MYO9B: variants seen among roughly 807,000 people sequenced by gnomAD.
The protein encoded by MYO9B is unconventional myosin-IXb.
A neutral mutation model predicts 229.5 loss-of-function variants in MYO9B; 71 were observed. The observed-to-expected ratio is 0.31, with a 90% CI of 0.26 to 0.38. The LOEUF is 0.38. Among genes scored for constraint, MYO9B ranks in the 10% least tolerant of loss-of-function variants. MYO9B has a pLI of 1.00. For synonymous variants in MYO9B, 1,185 were observed against 1,235.8 expected (o/e 0.96, Z 0.86); for missense variants, 2,255 against 2,920.5 (o/e 0.77, Z 5.25).
At position 17,206,731 on chromosome 19, in the gene MYO9B, C is replaced by T; in HGVS notation, c.5439C>T (p.His1813=). 2.5e-6 allele frequency: 4 copies of T among 1,591,686 alleles called. No individual in the cohort carries two copies. The highest frequency in any genetic ancestry group is 3.4e-6 in the Non-Finnish European group (4 of 1,169,952). ...CTGCCATCTATGCCGTCCTGGAGCA[C>T]CTTCCAGAAGCCAACCACAACTCCC... is the stretch of plus-strand genomic sequence containing the variant. ...QLAAIYAVLE[H]LPEANHNSLE... Residue 1813 remains histidine (H), a synonymous_variant, in exon 34 of 40, where the codon CAC becomes CAT. Coordinates refer to ENST00000682292, the MANE Select transcript of MYO9B (RefSeq NM_004145.4).
chr19:17,195,030 A>C lies in MYO9B; in HGVS notation c.3603A>C (p.Glu1201Asp), dbSNP rs751312190. ...LEDKKESRED[E>D]TLLVVETEAE... The stretch of plus-strand genomic sequence containing the variant: ...ACAAAAAGGAGAGCAGAGAAGATGA[A>C]ACCCTTCTAGTCGTAGAGACGGAGG... The change falls in exon 22 of 40, where the codon GAA (glutamate) becomes GAC (aspartate). Residue 1201 changes from glutamate to aspartate, a missense_variant. By Grantham distance (45) the Glu-to-Asp change is conservative. This residue lies in a region of MYO9B where 679 missense variants were observed against 770.2 expected (regional missense o/e 0.88). Transcript: ENST00000682292. This position sits in a 1 kb window ranked among gnomAD's most constrained non-coding sequence, Gnocchi z 4.5. The C allele has an allele frequency of 2.5e-6, 4 of 1,613,018 alleles. No individual in the cohort carries two copies. Among genetic ancestry groups the C allele is most frequent in the Non-Finnish European group, 2.5e-6 (3 of 1,179,880 alleles).
chr19:17,179,916 A>T (rs1451132205), intron 14 of MYO9B, among the ~76,000 whole-genome samples: 400 of 151,166 alleles, frequency 2.6e-3, no homozygotes, highest in African/African-American at 9.5e-3. Flanking sequence ...AAATAAAATA[A>T]AAATAAAAAT....
Position 17,193,003 on chromosome 19 carries a change from C to A in MYO9B, c.3069C>A (p.His1023Gln). 1 of 1,504,208 alleles carries A rather than the reference C, an allele frequency of 6.6e-7. No homozygotes were observed. Among genetic ancestry groups the A allele is most frequent in the Non-Finnish European group, 8.9e-7 (1 of 1,121,024 alleles). The allele number at this position is 1,504,208 out of a possible 1,614,324, so 93.2% of individuals were successfully genotyped here. ...ACTGGCAGCGGAAGCTCTACCGGCA[C>A]CAGAAACAGAGCATCATCCGCCTGC... Reference protein sequence around the residue: ...RGYWQRKLYRHQKQSIIRLQS... With the variant: ...RGYWQRKLYRQQKQSIIRLQS... The change falls in exon 21 of 40, where the codon CAC (histidine) becomes CAA (glutamine). Residue 1023 changes from histidine to glutamine, a missense_variant. Coordinates refer to ENST00000682292, the MANE Select transcript of MYO9B (RefSeq NM_004145.4). This position sits in a 1 kb window ranked among gnomAD's most constrained non-coding sequence, Gnocchi z 4.3.
At chr19:17,153,624 A>G (rs1333978662) in intron 4 of MYO9B, among the ~76,000 whole-genome samples, 1 of 150,940 alleles carries the variant, frequency 6.6e-6, no homozygotes, top group African/African-American at 2.4e-5. Context: ...TGAACCCAGG[A>G]GGTCGAGGCT....
At chr19:17,124,825 A>G (rs1224951463) in intron 2 of MYO9B, among the ~76,000 whole-genome samples, 1 of 152,030 alleles carries the variant, frequency 6.6e-6, no homozygotes, top group South Asian at 2.1e-4. Context: ...TCAGTGACAA[A>G]CACCCGTATG....
chr19:17,084,846 A>G (rs1320748495), intron 1 of MYO9B, among the ~76,000 whole-genome samples: 1 of 152,088 alleles, frequency 6.6e-6, no homozygotes, highest in East Asian at 1.9e-4. Context: ...TGGAGGTTGC[A>G]GTGAGCCAAG....
chr19:17,119,489 G>A (rs1055620649), intron 2 of MYO9B, among the ~76,000 whole-genome samples: 2 of 152,110 alleles, frequency 1.3e-5, no homozygotes, highest in East Asian at 1.9e-4. Flanking sequence ...GGGAGCCTGG[G>A]CGGTCCTCCT....
intron 16 of MYO9B, chr19:17,184,414 G>C (rs887778829): frequency 1.7e-5 from 3 of 174,318 alleles, no homozygotes; most frequent in African/African-American, 7.1e-5. Flanking sequence ...GCAGATGGGA[G>C]AGGGCTAATT....
In MYO9B at chr19:17,206,976, C is replaced by T. The variant is rs1248502290; in HGVS notation, c.5493-137C>T. On this transcript the variant is annotated intron_variant, in intron 34 of 39. Transcript: ENST00000682292. ...TCCCTTGAGGTACCTCTCTGTGCTGCGGAAGCATCTCCCAGTGCTGGGCTG... is the reference window on the plus strand; with the variant it reads ...TCCCTTGAGGTACCTCTCTGTGCTGTGGAAGCATCTCCCAGTGCTGGGCTG... 1.7e-5 allele frequency: 23 copies of T among 1,355,218 alleles called. 1 individual carries two copies. Among genetic ancestry groups the T allele is most frequent in the South Asian group, 1.6e-4 (13 of 79,700 alleles). 83.9% of individuals were successfully genotyped at this position (1,355,218 alleles called of 1,614,324 possible). A position where few individuals can be genotyped will look rare whatever the true frequency, so the allele number is the denominator to read the frequency against.
At chr19:17,083,544 G>A (rs1294801875) in intron 1 of MYO9B, among the ~76,000 whole-genome samples, 1 of 152,100 alleles carries the variant, frequency 6.6e-6, no homozygotes, top group Non-Finnish European at 1.5e-5. Flanking sequence ...GGAGGGCAGA[G>A]TCAGCTCTGG....
intron 2 of MYO9B, among the ~76,000 whole-genome samples, chr19:17,110,174 C>G (rs993939771): frequency 7.2e-5 from 11 of 152,202 alleles, no homozygotes; most frequent in African/African-American, 1.2e-4. Flanking sequence ...GGATGCACCC[C>G]CTGACCCCCG....
chr19:17,181,191 C>A (rs1239431860), intron 15 of MYO9B, among the ~76,000 whole-genome samples, 151 bp downstream of exon 15: 3 of 152,228 alleles, frequency 2.0e-5, no homozygotes, highest in African/African-American at 7.2e-5. Context: ...TCACTAAATG[C>A]CAATCAATAA....
intron 2 of MYO9B, among the ~76,000 whole-genome samples, chr19:17,134,925 G>A (rs905189323): frequency 4.0e-5 from 6 of 151,718 alleles, no homozygotes; most frequent in Admixed American, 3.3e-4. Flanking sequence ...CACCACACCC[G>A]GCTAATTTTT....
intron 2 of MYO9B, among the ~76,000 whole-genome samples, chr19:17,129,362 A>C (rs112749647): frequency 6.6e-6 from 1 of 152,180 alleles, no homozygotes; most frequent in South Asian, 2.1e-4. Flanking sequence ...AGATCGTGCC[A>C]CTGCACTCCA....
chr19:17,167,014 G>C (rs1007058280), intron 10 of MYO9B, among the ~76,000 whole-genome samples: 9 of 151,946 alleles, frequency 5.9e-5, no homozygotes, highest in African/African-American at 2.2e-4. Context: ...CCTACAGTGT[G>C]GGGATCCCTT....
At chr19:17,196,838 GGACA>G (rs1457834996) in intron 22 of MYO9B, among the ~76,000 whole-genome samples, 2 of 152,080 alleles carry the variant, frequency 1.3e-5, no homozygotes, top group East Asian at 1.9e-4. Context: ...ATGGATGGAT[GGACA>G]GACAGAAGGA....
intron 38 of MYO9B, among the ~76,000 whole-genome samples, chr19:17,211,205 T>G (rs1395066833): frequency 1.3e-5 from 2 of 152,024 alleles, no homozygotes; most frequent in Non-Finnish European, 2.9e-5. Context: ...GGTCTTGAAC[T>G]CCTGACCTCA....
In MYO9B at chr19:17,195,726, C is replaced by T. The variant is rs1262232057; in HGVS notation, c.4046+253C>T. Among the ~76,000 whole-genome samples the T allele has an allele frequency of 6.6e-6, 1 of 152,158 alleles. No individual in the cohort carries two copies. The highest frequency in any genetic ancestry group is 1.9e-4 in the East Asian group (1 of 5,170). On this transcript the variant is annotated intron_variant, in intron 22 of 39. Transcript: ENST00000682292. The surrounding 1 kb of genome is among the most constrained non-coding windows in gnomAD (Gnocchi z 4.5). Reference sequence around the variant, plus strand: ...TGTGCTCACACAGAAAGGCCCCGGCCTTGAGAGAGGTGGCTCCTCAGGTCA... The same window carrying T: ...TGTGCTCACACAGAAAGGCCCCGGCTTTGAGAGAGGTGGCTCCTCAGGTCA...
intron 20 of MYO9B, among the ~76,000 whole-genome samples, chr19:17,191,791 CATA>C (rs772324806): frequency 2.0e-5 from 3 of 151,914 alleles, no homozygotes; most frequent in Non-Finnish European, 2.9e-5. Context: ...GCCTGGGAAA[CATA>C]GCGAGACCCC....
Sources: allele counts gnomAD v4.1 joint callset (sites outside exome capture counted in the v4.1 genomes callset), GRCh38; gene constraint gnomAD v4.1.1; regional missense constraint gnomAD v4.1.1; non-coding constraint Gnocchi (gnomAD v3.1); transcripts MANE v1.5; gene names NCBI Gene and HGNC (gene_info 2026-07-23, HGNC 2026-07-21).